The following ZNF320 variants were observed in gnomAD, a reference collection of about 807,000 sequenced individuals.
The protein encoded by ZNF320 is zinc finger gene 320.
In ZNF320, 2 loss-of-function variants were observed where a neutral mutation model predicts 6.8. That is an observed-to-expected ratio of 0.29 (90% CI 0.12 to 0.93). The LOEUF (loss-of-function observed/expected upper bound fraction) is 0.93. Among genes scored for constraint, ZNF320 ranks in the 40% least tolerant of loss-of-function variants. The probability of loss-of-function intolerance (pLI) is 0.55; values close to 1 mark genes in which losing one functional copy is unlikely to be tolerated. For missense variants in ZNF320, 472 were observed against 611.0 expected (o/e 0.77, Z 2.40); for synonymous variants, 208 against 203.2 (o/e 1.02, Z -0.20).
chr19:52,898,856 A>G (rs1185825512), upstream of ZNF320, among the ~76,000 whole-genome samples: 1 of 152,088 alleles, frequency 6.6e-6, no homozygotes, highest in Non-Finnish European at 1.5e-5. Flanking sequence ...ATTTTTAACT[A>G]CTGGGTTTAG....
At position 52,880,055 on chromosome 19, in the gene ZNF320, A is replaced by G. The variant is rs961318616; in HGVS notation, c.*541T>C. On this transcript the variant is annotated 3_prime_UTR_variant, in exon 6 of 6. Transcript: ENST00000682928. ...AAATTTCTATAACTTTTTGTTAAAG[A>G]AACAAAAAACAGGCCAGGTGTGGTG... 6.6e-6 allele frequency: 1 copy of G among 152,232 alleles called. No individual in the cohort carries two copies. Among genetic ancestry groups the G allele is most frequent in the African/African-American group, 2.4e-5 (1 of 41,436 alleles). The allele number at this position is 152,232 out of a possible 1,614,324, so 9.4% of individuals were successfully genotyped here.
At chr19:52,901,031 C>G (rs966041707), upstream of ZNF320, among the ~76,000 whole-genome samples, 1 of 151,976 alleles carries the variant, frequency 6.6e-6, no homozygotes, top group Non-Finnish European at 1.5e-5. Flanking sequence ...TTGGGGACCC[C>G]TCTTCTGTTC....
intron 5 of ZNF320, among the ~76,000 whole-genome samples, chr19:52,887,761 AT>A (rs1385635514): frequency 1.3e-5 from 2 of 151,734 alleles, no homozygotes; most frequent in Non-Finnish European, 2.9e-5. Context: ...TAATTTTTGT[AT>A]TTTTAGTAGA....
upstream of ZNF320, among the ~76,000 whole-genome samples, chr19:52,901,232 TATAAA>T (rs1420868864): frequency 6.6e-6 from 1 of 152,220 alleles, no homozygotes; most frequent in Non-Finnish European, 1.5e-5. Context: ...TTATAATAAC[TATAAA>T]ATAATAGGAC....
rs2063929783 is a variant in ZNF320 at position 52,881,785 on chromosome 19, G to A, written c.341C>T (p.Thr114Ile). The change falls in exon 6 of 6, where the codon ACA becomes ATA. Residue 114 changes from threonine (T) to isoleucine (I), a missense_variant. Thr to Ile is a moderately conservative substitution (Grantham distance 89). This residue lies in a region of ZNF320 where 462 missense variants were observed against 559.7 expected (regional missense o/e 0.83). Transcript: ENST00000682928. ...DETNDHEAPM[T>I]EIKKLTSSTD... ...ACTACTAGTCAACTTTTTTATTTCT[G>A]TCATGGGTGCTTCATGGTCATTTGT... The A allele has an allele frequency of 6.2e-7, 1 of 1,613,734 alleles. No homozygotes were observed. The highest frequency in any genetic ancestry group is 8.5e-7 in the Non-Finnish European group (1 of 1,179,804).
At chr19:52,899,057 A>G (rs1286472766), upstream of ZNF320, among the ~76,000 whole-genome samples, 2 of 152,042 alleles carry the variant, frequency 1.3e-5, no homozygotes, top group East Asian at 3.9e-4. Context: ...TGTTTTTGCT[A>G]CTTATGTCTT....
At chr19:52,894,522 A>G (rs1021829721) in intron 1 of ZNF320, among the ~76,000 whole-genome samples, 3 of 152,236 alleles carry the variant, frequency 2.0e-5, no homozygotes, top group Admixed American at 6.5e-5. Flanking sequence ...TCCCAGAAAT[A>G]TGACAGTAAT....
chr19:52,863,086 A>G (rs2147760219), exon 6 of ZNF320, among the ~76,000 whole-genome samples: 1 of 152,210 alleles, frequency 6.6e-6, no homozygotes, highest in African/African-American at 2.4e-5. Flanking sequence ...CAACCTTTCG[A>G]GTAGCTGGGA....
intron 5 of ZNF320, among the ~76,000 whole-genome samples, chr19:52,882,601 C>T (rs1256607548): frequency 5.3e-5 from 8 of 152,160 alleles, no homozygotes; most frequent in South Asian, 2.1e-4. Flanking sequence ...GAGCCCACAT[C>T]GCACCACTGC....
chr19:52,902,557 A>T (rs1408638609), upstream of ZNF320, among the ~76,000 whole-genome samples: 1 of 152,166 alleles, frequency 6.6e-6, no homozygotes, highest in African/African-American at 2.4e-5. Flanking sequence ...AACTTCTATC[A>T]TCCTCTAGTA....
At chr19:52,864,698 G>C (rs1262817042) in intron 5 of ZNF320, among the ~76,000 whole-genome samples, 1 of 152,108 alleles carries the variant, frequency 6.6e-6, no homozygotes, top group Non-Finnish European at 1.5e-5. Flanking sequence ...GCAACAGAGA[G>C]ACACTCCATC....
At chr19:52,872,941 T>G (rs1012371327), downstream of ZNF320, among the ~76,000 whole-genome samples, 7 of 152,202 alleles carry the variant, frequency 4.6e-5, no homozygotes, top group Non-Finnish European at 8.8e-5. Flanking sequence ...TAAGGAAATG[T>G]GCTCTGCCTG....
At chr19:52,874,074 T>C, downstream of ZNF320, 1 of 375,516 alleles carries the variant, frequency 2.7e-6, no homozygotes, top group African/African-American at 2.2e-5. Flanking sequence ...AAATCAATCC[T>C]GTATGTGAAA....
chr19:52,865,310 G>A lies in ZNF320; in HGVS notation c.224-1151C>T, dbSNP rs980060605. ...GGACTCCAGACTGGGTGAGAAGAAC[G>A]GTACCCCATTTCAAATATATATATA... On this transcript the variant is annotated intron_variant, in intron 5 of 5. Transcript: ENST00000673631. The A allele has an allele frequency of 1.3e-4, 35 of 274,108 alleles. No individual in the cohort carries two copies. In the East Asian group the frequency reaches 2.1e-3, roughly 16 times the overall value. The allele number at this position is 274,108 out of a possible 1,614,324, so 17.0% of individuals were successfully genotyped here. A position where few individuals can be genotyped will look rare whatever the true frequency, so the allele number is the denominator to read the frequency against.
downstream of ZNF320, among the ~76,000 whole-genome samples, chr19:52,860,044 C>A (rs2063478045): frequency 6.6e-6 from 1 of 151,874 alleles, no homozygotes; most frequent in Admixed American, 6.6e-5. Flanking sequence ...TCCAGAGTAG[C>A]TGGGACTACA....
intron 5 of ZNF320, chr19:52,865,404 G>GTGTT (rs2063524800): frequency 3.6e-6 from 1 of 275,562 alleles, no homozygotes; most frequent in African/African-American, 2.5e-5. Context: ...TCACGGCCCT[G>GTGTT]TATAAAGCGT....
In ZNF320 at chr19:52,870,633, G is replaced by C. The variant is rs370087588; in HGVS notation, c.223+3359C>G. ...ACATCATGCCATTACACGTGTGGTG[G>C]TGCACACCTCTAGTCCCAGCTACTC... On this transcript the variant is annotated intron_variant, in intron 5 of 5. Coordinates refer to the ZNF320 transcript ENST00000673631. 2.5e-4 allele frequency among the ~76,000 whole-genome samples: 38 copies of C among 152,106 alleles called. No homozygotes were observed. The South Asian group carries it at 2.9e-3, about 12-fold the overall frequency.
intron 4 of ZNF320, 64 bp downstream of exon 4, chr19:52,890,177 A>T (rs1218939895): frequency 8.2e-6 from 13 of 1,593,496 alleles, no homozygotes; most frequent in Non-Finnish European, 9.4e-6. Context: ...AAGATTCCCA[A>T]CTCCAGGCGC....
chr19:52,866,555 T>C (rs936340317), intron 5 of ZNF320, among the ~76,000 whole-genome samples: 5 of 152,066 alleles, frequency 3.3e-5, no homozygotes, highest in African/African-American at 1.2e-4. Flanking sequence ...TTTTAACACT[T>C]GCAGGATAAA....
Sources: allele counts gnomAD v4.1 joint callset (sites outside exome capture counted in the v4.1 genomes callset), GRCh38; gene constraint gnomAD v4.1.1; regional missense constraint gnomAD v4.1.1; transcripts MANE v1.5; gene names NCBI Gene and HGNC (gene_info 2026-07-23, HGNC 2026-07-21).